Variants in TMTC2 observed in about 807,000 individuals in gnomAD.
TMTC2 encodes protein O-mannosyl-transferase TMTC2.
In TMTC2, 43 loss-of-function variants were observed where a neutral mutation model predicts 82.4. That is an observed-to-expected ratio of 0.52 (90% CI 0.41 to 0.67). The LOEUF (loss-of-function observed/expected upper bound fraction) is 0.67, where lower values mean the gene tolerates loss of function less well. TMTC2 is among the 30% of genes least tolerant of loss of function. TMTC2 has a pLI of 0.00. For synonymous variants in TMTC2, 408 were observed against 381.9 expected, an observed-to-expected ratio of 1.07 and a Z score of -0.80; for missense variants, 919 against 1,012.4, an observed-to-expected ratio of 0.91 and a Z score of 1.25.
chr12:83,062,508 A>G (rs1882779721), intron 11 of TMTC2, among the ~76,000 whole-genome samples: 1 of 151,800 alleles, frequency 6.6e-6, no homozygotes, highest in South Asian at 2.1e-4. Flanking sequence ...TCTCTCACCA[A>G]TGCTAAAATC....
At chr12:82,766,828 G>A (rs1172318345) in intron 1 of TMTC2, among the ~76,000 whole-genome samples, 1 of 151,950 alleles carries the variant, frequency 6.6e-6, no homozygotes, top group Non-Finnish European at 1.5e-5. Context: ...GTCTCGCTCT[G>A]TCACCCAGAC....
intron 3 of TMTC2, among the ~76,000 whole-genome samples, chr12:82,898,836 T>A (rs1411522388): frequency 6.6e-6 from 1 of 152,210 alleles, no homozygotes; most frequent in Non-Finnish European, 1.5e-5. Context: ...GGAAGCCAAG[T>A]ACCCAGCCAA....
chr12:82,687,512 G>T lies in TMTC2; in HGVS notation c.-75G>T, dbSNP rs74106268. ...GGAGGAGAAGGCGGCGGAAGGTGGA[G>T]ATTGATGCTTCTGTTTTTTGTTGCC... On this transcript the variant is annotated 5_prime_UTR_variant, in exon 1 of 12. Transcript: ENST00000321196. 1,771 of 1,419,428 alleles carry T rather than the reference G, an allele frequency of 1.2e-3. 27 individuals carry two copies. The African/African-American group carries it at 0.022, about 18-fold the overall frequency. The allele number at this position is 1,419,428 out of a possible 1,614,324, so 87.9% of individuals were successfully genotyped here.
chr12:83,133,597 T>C lies in TMTC2; in HGVS notation c.*1208T>C, dbSNP rs928197633. The C allele has an allele frequency of 4.6e-5, 7 of 152,364 alleles. No individual in the cohort carries two copies. The highest frequency in any genetic ancestry group is 2.0e-4 in the Admixed American group (3 of 15,300). The allele number at this position is 152,364 out of a possible 1,614,324, so 9.4% of individuals were successfully genotyped here. A position where few individuals can be genotyped will look rare whatever the true frequency, so the allele number is the denominator to read the frequency against. On this transcript the variant is annotated 3_prime_UTR_variant, in exon 12 of 12. Coordinates refer to ENST00000321196, the MANE Select transcript of TMTC2 (RefSeq NM_152588.3). ...CCAAGTGCTTTTCTCAGTTGAAAAC[T>C]ATTTTTCACTAGCAAAATTGGTATT... is the stretch of plus-strand genomic sequence containing the variant.
Position 83,132,370 on chromosome 12 carries a change from T to G in TMTC2, c.2492T>G (p.Leu831Ter), listed in dbSNP as rs1885288267. 1.2e-6 allele frequency: 2 copies of G among 1,613,832 alleles called. No homozygotes were observed. The highest frequency in any genetic ancestry group is 2.7e-5 in the African/African-American group (2 of 74,898). The part of the protein sequence containing the change: ...KLWNIMEKQG[L>*]KTSKT ...TGGAACATCATGGAAAAACAAGGCT[T>G]AAAGACTTCTAAGACCTGACACAGG... Residue 831 changes from leucine (L) to a stop codon, truncating the protein, a stop_gained, in exon 12 of 12, where the codon TTA becomes TGA. Transcript: ENST00000321196. LOFTEE classifies it high-confidence loss of function.
intron 3 of TMTC2, among the ~76,000 whole-genome samples, chr12:82,918,747 CCTCTCT>C (rs768505977): frequency 5.4e-5 from 7 of 129,160 alleles, no homozygotes; most frequent in Non-Finnish European, 1.2e-4. Flanking sequence ...TCTTTCTCTC[CCTCTCT>C]CTCTCTCTCT....
At chr12:82,693,741 G>A (rs1478570410) in intron 1 of TMTC2, among the ~76,000 whole-genome samples, 2 of 151,968 alleles carry the variant, frequency 1.3e-5, no homozygotes, top group African/African-American at 4.8e-5. Context: ...AGGCCGAGGC[G>A]GGTGGATCAC....
chr12:83,106,500 C>CAA (rs769681273), intron 11 of TMTC2, among the ~76,000 whole-genome samples: 5,334 of 58,514 alleles, frequency 0.091, 216 homozygotes, highest in East Asian at 0.29. Context: ...ACTCTGTCTC[C>CAA]AAAAAAAAAA....
intron 1 of TMTC2, among the ~76,000 whole-genome samples, chr12:82,761,409 T>C (rs1876625111): frequency 6.6e-6 from 1 of 152,154 alleles, no homozygotes; most frequent in Admixed American, 6.6e-5. Flanking sequence ...ACAGTGTCAG[T>C]TGGGATGGAG....
At chr12:82,732,050 C>G (rs1198398934) in intron 1 of TMTC2, among the ~76,000 whole-genome samples, 3 of 152,010 alleles carry the variant, frequency 2.0e-5, no homozygotes, top group African/African-American at 7.3e-5. Flanking sequence ...TTTATTTGTT[C>G]TAGATTTTGG....
At chr12:83,075,400 C>G (rs1883254217) in intron 11 of TMTC2, among the ~76,000 whole-genome samples, 1 of 152,168 alleles carries the variant, frequency 6.6e-6, no homozygotes, top group Non-Finnish European at 1.5e-5. Context: ...CCATGATGAT[C>G]TCTTGTCCAT....
intron 1 of TMTC2, among the ~76,000 whole-genome samples, chr12:82,775,828 A>C (rs1207926281): frequency 1.3e-5 from 2 of 152,018 alleles, no homozygotes; most frequent in African/African-American, 4.8e-5. Flanking sequence ...GAAGGAGACA[A>C]AATTCTGCTC....
chr12:82,968,315 GC>G (rs1878309789), intron 7 of TMTC2, among the ~76,000 whole-genome samples: 1 of 151,948 alleles, frequency 6.6e-6, no homozygotes, highest in Non-Finnish European at 1.5e-5. Flanking sequence ...TTAAAACAAT[GC>G]CTTTTATTAT....
At chr12:82,783,946 T>G (rs1878037357) in intron 1 of TMTC2, among the ~76,000 whole-genome samples, 1 of 152,046 alleles carries the variant, frequency 6.6e-6, no homozygotes, top group South Asian at 2.1e-4. Flanking sequence ...ATGAGAATGT[T>G]TATAACAATA....
At chr12:82,906,964 GA>G (rs1019123249) in intron 3 of TMTC2, among the ~76,000 whole-genome samples, 9 of 151,980 alleles carry the variant, frequency 5.9e-5, no homozygotes, top group African/African-American at 2.2e-4. Flanking sequence ...CTATTGAGTA[GA>G]AAAAAATAGA....
At chr12:83,056,651 G>A (rs191251269) in intron 10 of TMTC2, among the ~76,000 whole-genome samples, 6 of 151,762 alleles carry the variant, frequency 4.0e-5, no homozygotes, top group South Asian at 2.1e-4. Context: ...TATTTCCAGC[G>A]CCCTCTGGAC....
At chr12:82,825,426 G>A (rs1869357872) in intron 1 of TMTC2, among the ~76,000 whole-genome samples, 1 of 152,124 alleles carries the variant, frequency 6.6e-6, no homozygotes, top group African/African-American at 2.4e-5. Context: ...GCCAGTACAG[G>A]GCCAAGAGAC....
At chr12:83,096,759 A>G (rs780151489) in intron 11 of TMTC2, among the ~76,000 whole-genome samples, 3 of 152,174 alleles carry the variant, frequency 2.0e-5, no homozygotes, top group Non-Finnish European at 2.9e-5. Flanking sequence ...GGGTGGGGAT[A>G]CAGCCAAACC....
intron 11 of TMTC2, among the ~76,000 whole-genome samples, chr12:83,108,216 A>C (rs1310889485): frequency 2.0e-5 from 3 of 152,196 alleles, no homozygotes; most frequent in African/African-American, 7.2e-5. Flanking sequence ...TCTTTAAATG[A>C]AAAGTAATAC....
Sources: allele counts gnomAD v4.1 joint callset (sites outside exome capture counted in the v4.1 genomes callset), GRCh38; gene constraint gnomAD v4.1.1; transcripts MANE v1.5; gene names NCBI Gene and HGNC (gene_info 2026-07-23, HGNC 2026-07-21).